SLC9A4: variants seen among roughly 807,000 people sequenced by gnomAD.
SLC9A4 encodes the protein sodium/hydrogen exchanger 4.
A neutral mutation model predicts 67.4 loss-of-function variants in SLC9A4; 63 were observed. The observed-to-expected ratio is 0.93, with a 90% CI of 0.76 to 1.15. SLC9A4 has a LOEUF of 1.15. Among genes scored for constraint, SLC9A4 ranks in the 50% most tolerant of loss-of-function variants. SLC9A4 has a pLI of 0.00. For missense variants in SLC9A4, 1,089 were observed against 987.7 expected (o/e 1.10, Z -1.38); for synonymous variants, 393 against 367.2 (o/e 1.07, Z -0.80).
rs549413681 is a variant in SLC9A4, at chr2:102,473,881, C to T, written c.122C>T (p.Ala41Val). The T allele has an allele frequency of 6.2e-7, 1 of 1,614,100 alleles. No individual in the cohort carries two copies. The highest frequency in any genetic ancestry group is 1.3e-5 in the African/African-American group (1 of 75,038). The change falls in exon 1 of 12, where the codon GCA becomes GTA. Residue 41 changes from alanine (A) to valine (V), a missense_variant. Ala to Val is a moderately conservative substitution (Grantham distance 64, BLOSUM62 0). Coordinates refer to ENST00000295269, the MANE Select transcript of SLC9A4 (RefSeq NM_001011552.4). Reference protein sequence around the residue: ...NESANSTAQYASNAWFAAASS... With the variant: ...NESANSTAQYVSNAWFAAASS... Reference sequence around the variant, plus strand: ...TCTGCAAATTCCACTGCTCAGTATGCATCTAACGCTTGGTTTGCTGCTGCC... The same window carrying T: ...TCTGCAAATTCCACTGCTCAGTATGTATCTAACGCTTGGTTTGCTGCTGCC...
chr2:102,518,067 T>C (rs1685313254), intron 8 of SLC9A4, among the ~76,000 whole-genome samples: 1 of 152,224 alleles, frequency 6.6e-6, no homozygotes, highest in Non-Finnish European at 1.5e-5. Context: ...AGCTGTAGAA[T>C]GATAGCTGAT....
chr2:102,531,706 G>A (rs1432508585), intron 11 of SLC9A4, among the ~76,000 whole-genome samples: 1 of 152,214 alleles, frequency 6.6e-6, no homozygotes, highest in African/African-American at 2.4e-5. Context: ...GATTAGCACA[G>A]TGACAGGCAT....
rs764427225 is a variant in SLC9A4 at position 102,505,286 on chromosome 2, ACG to A, written c.1014_1015del (p.Val339GlyfsTer70). 139 of 1,614,112 alleles carry A rather than the reference ACG, an allele frequency of 8.6e-5. No individual in the cohort carries two copies. Among genetic ancestry groups the A allele is most frequent in the Non-Finnish European group, 1.1e-4 (133 of 1,180,042 alleles). The stretch of plus-strand genomic sequence containing the variant: ...GCCTGCGCAGTAACAATGAAAAAGT[ACG>A]TGGAAGAAAACGTGTCCCAGACATC... On this transcript the variant is annotated frameshift_variant, in exon 4 of 12. Transcript: ENST00000295269. LOFTEE classifies it high-confidence loss of function.
chr2:102,508,335 T>C lies in SLC9A4; in HGVS notation c.1401+54T>C, dbSNP rs1163205777. 5 of 1,426,284 alleles carry C rather than the reference T, an allele frequency of 3.5e-6. No homozygotes were observed. The East Asian group carries it at 7.4e-5, about 21-fold the overall frequency. The allele number at this position is 1,426,284 out of a possible 1,614,324, so 88.4% of individuals were successfully genotyped here. A position where few individuals can be genotyped will look rare whatever the true frequency, so the allele number is the denominator to read the frequency against. ...AATAGGTTATTTCAGGACAATGTAG[T>C]AAATTAGTAAAATACAAATAAAGGC... On this transcript the variant is annotated intron_variant, in intron 5 of 11. Coordinates refer to ENST00000295269, the MANE Select transcript of SLC9A4 (RefSeq NM_001011552.4).
At chr2:102,502,342 T>C (rs1419774582) in intron 2 of SLC9A4, among the ~76,000 whole-genome samples, 4 of 152,162 alleles carry the variant, frequency 2.6e-5, no homozygotes, top group Non-Finnish European at 5.9e-5. Flanking sequence ...ATTCAGAGTG[T>C]GTGTCACATA....
At chr2:102,524,817 C>A (rs1674625371) in intron 9 of SLC9A4, among the ~76,000 whole-genome samples, 1 of 152,216 alleles carries the variant, frequency 6.6e-6, no homozygotes, top group South Asian at 2.1e-4. Context: ...CTAGCCACAG[C>A]TCCGCCCTGA....
At position 102,532,476 on chromosome 2, in the gene SLC9A4, A is replaced by G. The variant is rs949978218; in HGVS notation, c.2185A>G (p.Arg729Gly). Residue 729 changes from arginine to glycine, a missense_variant, in exon 12 of 12, where the codon AGA becomes GGA. Arg to Gly is a moderately radical substitution (Grantham distance 125, BLOSUM62 -2). Coordinates refer to ENST00000295269, the MANE Select transcript of SLC9A4 (RefSeq NM_001011552.4). Reference sequence around the variant, plus strand: ...GAAGGCATTCAGCTTTGGTTATCAAAGAAACACAAGCCAAGAAGAGTACTT... The same window carrying G: ...GAAGGCATTCAGCTTTGGTTATCAAGGAAACACAAGCCAAGAAGAGTACTT... ...GRKAFSFGYQ[R>G]NTSQEEYLGG... The G allele has an allele frequency of 6.8e-6, 11 of 1,614,218 alleles. No homozygotes were observed. The highest frequency in any genetic ancestry group is 9.3e-6 in the Non-Finnish European group (11 of 1,180,032).
intron 4 of SLC9A4, among the ~76,000 whole-genome samples, chr2:102,507,845 A>G (rs1187488143): frequency 6.6e-6 from 1 of 152,210 alleles, no homozygotes; most frequent in Non-Finnish European, 1.5e-5. Flanking sequence ...AGGCACATAC[A>G]CACAACACAT....
chr2:102,485,480 C>G (rs1396928673), intron 2 of SLC9A4, among the ~76,000 whole-genome samples: 3 of 152,196 alleles, frequency 2.0e-5, no homozygotes, highest in Admixed American at 2.0e-4. Context: ...GCTAGAATTC[C>G]TTTGCCGTCT....
At chr2:102,525,725 C>A (rs954545883) in intron 10 of SLC9A4, among the ~76,000 whole-genome samples, 1 of 151,906 alleles carries the variant, frequency 6.6e-6, no homozygotes, top group South Asian at 2.1e-4. Context: ...AGTGGGGATA[C>A]GAGAGTAACT....
chr2:102,478,179 A>G lies in SLC9A4; in HGVS notation c.257-660A>G, dbSNP rs10190130. Among the ~76,000 whole-genome samples the G allele has an allele frequency of 5.5e-3, 842 of 152,354 alleles. 17 individuals are homozygous for G. The highest frequency in any genetic ancestry group is 0.019 in the African/African-American group (808 of 41,588). On this transcript the variant is annotated intron_variant, in intron 1 of 11. Transcript: ENST00000295269. ...TGGAGGTCAAGAAGACAATGCAATCATTAAGATGAGAAATGGGGAAATCCT... is the reference window on the plus strand; with the variant it reads ...TGGAGGTCAAGAAGACAATGCAATCGTTAAGATGAGAAATGGGGAAATCCT...
chr2:102,529,019 G>A (rs545823265), intron 11 of SLC9A4, among the ~76,000 whole-genome samples: 1 of 152,306 alleles, frequency 6.6e-6, no homozygotes, highest in East Asian at 1.9e-4. Context: ...TGCAGGATAC[G>A]CATATGAACA....
Position 102,479,165 on chromosome 2 carries a change from C to T in SLC9A4, c.583C>T (p.Gln195Ter), listed in dbSNP as rs1209201637. 1 of 1,614,036 alleles carries T rather than the reference C, an allele frequency of 6.2e-7. No individual in the cohort carries two copies. Among genetic ancestry groups the T allele is most frequent in the African/African-American group, 1.3e-5 (1 of 74,944 alleles). ...AFGLGDVNLL[Q>*]NLLFGSLISA... Reference sequence around the variant, plus strand: ...TGGCCTGGGCGACGTCAACCTGCTGCAGAACCTGCTGTTCGGCAGCCTGAT... The same window carrying T: ...TGGCCTGGGCGACGTCAACCTGCTGTAGAACCTGCTGTTCGGCAGCCTGAT... The change falls in exon 2 of 12, where the codon CAG becomes TAG. Residue 195 changes from glutamine (Q) to a stop codon, truncating the protein, a stop_gained. Coordinates refer to ENST00000295269, the MANE Select transcript of SLC9A4 (RefSeq NM_001011552.4). LOFTEE classifies it high-confidence loss of function.
intron 8 of SLC9A4, among the ~76,000 whole-genome samples, chr2:102,518,999 G>A (rs1001336252): frequency 6.6e-6 from 1 of 152,150 alleles, no homozygotes; most frequent in South Asian, 2.1e-4. Context: ...TATTATTCAT[G>A]TAATACAAAG....
Position 102,525,120 on chromosome 2 carries a change from A to G in SLC9A4, c.1915A>G (p.Met639Val), listed in dbSNP as rs550145436. The change falls in exon 10 of 12, where the codon ATG (methionine) becomes GTG (valine). Residue 639 changes from methionine to valine, a missense_variant. Physicochemically the swap from Met to Val is conservative, Grantham distance 21. Transcript: ENST00000295269. ...CCGCCAGAACACCTTAAGGGAGAGC[A>G]TGAGGAAAGGTCACAGCCTGCCCTG... Reference protein sequence around the residue: ...IRRQNTLRESMRKGHSLPWGK... With the variant: ...IRRQNTLRESVRKGHSLPWGK... 4.3e-6 allele frequency: 7 copies of G among 1,614,122 alleles called. No individual in the cohort carries two copies. Among genetic ancestry groups the G allele is most frequent in the Non-Finnish European group, 5.9e-6 (7 of 1,179,980 alleles).
At chr2:102,526,201 G>C (rs1674661849) in intron 10 of SLC9A4, 58 bp from the exon 11 acceptor site, 10 of 1,557,452 alleles carry the variant, frequency 6.4e-6, no homozygotes, top group Non-Finnish European at 7.9e-6. Context: ...TATTTGCCAT[G>C]TGAAGCTCTT....
At chr2:102,477,760 A>G (rs1012202822) in intron 1 of SLC9A4, among the ~76,000 whole-genome samples, 1 of 152,212 alleles carries the variant, frequency 6.6e-6, no homozygotes, top group Non-Finnish European at 1.5e-5. Flanking sequence ...ATAGGCCTTC[A>G]GAGTGACAAG....
chr2:102,476,617 C>A (rs1181723680), intron 1 of SLC9A4, among the ~76,000 whole-genome samples: 2 of 152,096 alleles, frequency 1.3e-5, no homozygotes, highest in Non-Finnish European at 2.9e-5. Flanking sequence ...CTTCCACCTC[C>A]TTTACATATT....
intron 2 of SLC9A4, among the ~76,000 whole-genome samples, chr2:102,485,638 G>A (rs746987132): frequency 4.6e-5 from 7 of 152,156 alleles, no homozygotes; most frequent in Non-Finnish European, 8.8e-5. Context: ...CTGAGTCAAG[G>A]GCTCTAGTGG....
Sources: gnomAD v4.1 joint callset for allele counts (sites outside exome capture counted in the v4.1 genomes callset) on GRCh38, gnomAD v4.1.1 for gene constraint, MANE v1.5 for transcripts, NCBI Gene and HGNC (gene_info 2026-07-23, HGNC 2026-07-21) for gene names.